Variants in SHB observed in about 807,000 individuals in gnomAD.
SHB encodes SH2 domain-containing adapter protein B.
A neutral mutation model predicts 52.3 loss-of-function variants in SHB; 20 were observed. The ratio of observed to expected loss-of-function variants is 0.38; its 90% CI spans 0.27 to 0.56. The LOEUF (loss-of-function observed/expected upper bound fraction) is 0.56. SHB is among the 20% of genes least tolerant of loss of function. The pLI, the probability that SHB is intolerant of heterozygous loss-of-function variation, is 0.71. For synonymous variants in SHB, 397 were observed against 316.5 expected (o/e 1.25, Z -2.70); for missense variants, 825 against 723.3 (o/e 1.14, Z -1.61).
intron 1 of SHB, among the ~76,000 whole-genome samples, chr9:38,020,664 G>A (rs559529774): frequency 7.7e-4 from 117 of 152,302 alleles, no homozygotes; most frequent in African/African-American, 2.7e-3. Context: ...TTCGGCCTGT[G>A]CAGGGGGAGA....
At chr9:37,998,974 G>A (rs976217193) in intron 2 of SHB, among the ~76,000 whole-genome samples, 33 of 152,332 alleles carry the variant, frequency 2.2e-4, no homozygotes, top group Admixed American at 1.7e-3. Context: ...CCAGGCTGCT[G>A]GAGGAACTCA....
At chr9:37,920,677 G>A (rs1372275693) in intron 5 of SHB, among the ~76,000 whole-genome samples, 1 of 152,356 alleles carries the variant, frequency 6.6e-6, no homozygotes, top group East Asian at 1.9e-4. Context: ...GCAAGGTCCA[G>A]CCTGTGTTGC....
chr9:37,962,114 C>G (rs937926405), intron 3 of SHB, among the ~76,000 whole-genome samples: 3 of 152,186 alleles, frequency 2.0e-5, no homozygotes, highest in African/African-American at 7.2e-5. Flanking sequence ...ATCTGCAAAC[C>G]AGGGCTGACA....
intron 2 of SHB, among the ~76,000 whole-genome samples, chr9:38,014,769 G>C (rs1160874397): frequency 6.6e-6 from 1 of 151,990 alleles, no homozygotes; most frequent in Non-Finnish European, 1.5e-5. Context: ...AGGAGCAGGA[G>C]GCAGAGAACA....
chr9:37,915,917 A>G lies in SHB; in HGVS notation c.*3904T>C, dbSNP rs1470618429. Among the ~76,000 whole-genome samples, 2 of 152,254 alleles carry G rather than the reference A, an allele frequency of 1.3e-5. No homozygotes were observed. Among genetic ancestry groups the G allele is most frequent in the South Asian group, 2.1e-4 (1 of 4,836 alleles). ...AAATGGTAAACAAGACACTTGTAGTATATTAAGAGCTTCACATTAAATATT... is the reference window on the plus strand; with the variant it reads ...AAATGGTAAACAAGACACTTGTAGTGTATTAAGAGCTTCACATTAAATATT... On this transcript the variant is annotated 3_prime_UTR_variant, in exon 6 of 6. Coordinates refer to ENST00000377707, the MANE Select transcript of SHB (RefSeq NM_003028.3).
intron 1 of SHB, among the ~76,000 whole-genome samples, chr9:38,061,410 C>A (rs1275076686): frequency 6.6e-6 from 1 of 152,094 alleles, no homozygotes; most frequent in East Asian, 1.9e-4. Context: ...AGCCAGCCAG[C>A]ATGCGAGCTC....
At chr9:37,932,650 C>T (rs1040592521) in intron 5 of SHB, among the ~76,000 whole-genome samples, 15 of 151,382 alleles carry the variant, frequency 9.9e-5, no homozygotes, top group South Asian at 2.1e-4. Context: ...TTTGCTCTGT[C>T]GCCCAGGCTG....
chr9:37,947,504 G>A lies in SHB; in HGVS notation c.1346+1131C>T, dbSNP rs140254843. Among the ~76,000 whole-genome samples, 299 of 152,298 alleles carry A rather than the reference G, an allele frequency of 2.0e-3. 1 individual carries two copies. The highest frequency in any genetic ancestry group is 6.9e-3 in the African/African-American group (287 of 41,570). ...CATGGTCCCCACCCCGTGTCCACAT[G>A]CTCTCTCTTCTCTAGGTGGACTCCC... On this transcript the variant is annotated intron_variant, in intron 5 of 5. Coordinates refer to ENST00000377707, the MANE Select transcript of SHB (RefSeq NM_003028.3).
intron 1 of SHB, among the ~76,000 whole-genome samples, chr9:38,036,638 T>G (rs1269691788): frequency 6.6e-6 from 1 of 152,220 alleles, no homozygotes; most frequent in Non-Finnish European, 1.5e-5. Context: ...GCAGGAGCTC[T>G]GCTAGTGGAG....
intron 2 of SHB, among the ~76,000 whole-genome samples, chr9:37,982,973 G>GCCCCCCC (rs58267859): frequency 2.1e-5 from 3 of 145,310 alleles, no homozygotes; most frequent in African/African-American, 7.9e-5. Context: ...CCTCTCTGGT[G>GCCCCCCC]CCCCCCCCTC....
chr9:37,962,375 T>C, intron 3 of SHB, among the ~76,000 whole-genome samples: 1 of 152,176 alleles, frequency 6.6e-6, no homozygotes, highest in East Asian at 1.9e-4. Context: ...ATGCTCAACA[T>C]CAGTTGAAGG....
chr9:37,962,184 C>T (rs1042904372), intron 3 of SHB, among the ~76,000 whole-genome samples: 8 of 152,204 alleles, frequency 5.3e-5, no homozygotes, highest in Non-Finnish European at 1.0e-4. Flanking sequence ...CCCCTGTAAG[C>T]GGGAGACCCT....
intron 1 of SHB, among the ~76,000 whole-genome samples, chr9:38,059,828 G>A (rs924178135): frequency 1.3e-5 from 2 of 152,170 alleles, no homozygotes; most frequent in East Asian, 1.9e-4. Flanking sequence ...TGTGAGGCAG[G>A]GAAGAATGCA....
chr9:38,012,542 G>A (rs1254703354), intron 2 of SHB, among the ~76,000 whole-genome samples: 4 of 151,990 alleles, frequency 2.6e-5, no homozygotes, highest in African/African-American at 9.7e-5. Flanking sequence ...TAAATATGGG[G>A]GCATACAACG....
At chr9:37,986,839 A>G (rs1820813382) in intron 2 of SHB, among the ~76,000 whole-genome samples, 2 of 152,210 alleles carry the variant, frequency 1.3e-5, no homozygotes, top group Admixed American at 1.3e-4. Context: ...ACAGGGCTGC[A>G]GCACACACAG....
intron 5 of SHB, among the ~76,000 whole-genome samples, chr9:37,921,439 T>C (rs1164203659): frequency 6.6e-6 from 1 of 152,274 alleles, no homozygotes. Context: ...AGGACCATTT[T>C]TAAATGGGCA....
intron 1 of SHB, among the ~76,000 whole-genome samples, chr9:38,064,520 C>T (rs1472547773): frequency 6.6e-6 from 1 of 152,232 alleles, no homozygotes; most frequent in Non-Finnish European, 1.5e-5. Flanking sequence ...AGCACTCCTG[C>T]AGCGTGCAGT....
At chr9:37,968,479 G>C (rs1820555841) in intron 3 of SHB, among the ~76,000 whole-genome samples, 1 of 152,218 alleles carries the variant, frequency 6.6e-6, no homozygotes, top group African/African-American at 2.4e-5. Context: ...GGGGAAGACA[G>C]ATAAGTACCC....
rs775357719 is a variant in SHB, at chr9:37,918,130, G to C, written c.*1691C>G. ...TGATGACATTCAAACTCGGCCCCTT[G>C]TGCTCTGCCCAGGTGGGCCAGGGAT... On this transcript the variant is annotated 3_prime_UTR_variant, in exon 6 of 6. Coordinates refer to ENST00000377707, the MANE Select transcript of SHB (RefSeq NM_003028.3). Among the ~76,000 whole-genome samples, 2 of 152,238 alleles carry C rather than the reference G, an allele frequency of 1.3e-5. No homozygotes were observed. The highest frequency in any genetic ancestry group is 2.9e-5 in the Non-Finnish European group (2 of 68,046).
Sources: allele counts gnomAD v4.1 joint callset (sites outside exome capture counted in the v4.1 genomes callset), GRCh38; gene constraint gnomAD v4.1.1; transcripts MANE v1.5; gene names NCBI Gene and HGNC (gene_info 2026-07-23, HGNC 2026-07-21).